The following GAP43 variants were observed in gnomAD, a reference collection of about 807,000 sequenced individuals.
GAP43 encodes the protein growth associated protein 43.
GAP43 carries 6 observed loss-of-function variants against 18.6 expected under a neutral mutation model. The observed-to-expected ratio is 0.32, with a 90% CI of 0.18 to 0.64. GAP43 has a LOEUF of 0.64. Among genes scored for constraint, GAP43 ranks in the 30% least tolerant of loss-of-function variants. The pLI is 0.78. For missense variants in GAP43, 292 were observed against 295.5 expected, an observed-to-expected ratio of 0.99 and a Z score of 0.09; for synonymous variants, 115 against 111.4, an observed-to-expected ratio of 1.03 and a Z score of -0.20.
chr3:115,708,026 C>T lies in GAP43; in HGVS notation c.629-12768C>T, dbSNP rs552910712. ...ACACACACACACACATATATATATA[C>T]ACACACACACATATATACCAAGTAT... On this transcript the variant is annotated intron_variant, in intron 2 of 2. Coordinates refer to ENST00000305124, the MANE Select transcript of GAP43 (RefSeq NM_002045.4). 5.8e-4 allele frequency among the ~76,000 whole-genome samples: 88 copies of T among 150,856 alleles called. 1 individual carries two copies. The highest frequency in any genetic ancestry group is 2.1e-3 in the African/African-American group (86 of 40,822).
chr3:115,692,672 T>C lies in GAP43; in HGVS notation c.628+16062T>C, dbSNP rs111884111. 8.7e-3 allele frequency among the ~76,000 whole-genome samples: 1,320 copies of C among 152,242 alleles called. 6 individuals carry two copies. Among genetic ancestry groups the C allele is most frequent in the Non-Finnish European group, 0.013 (906 of 68,014 alleles). On this transcript the variant is annotated intron_variant, in intron 2 of 2. Coordinates refer to ENST00000305124, the MANE Select transcript of GAP43 (RefSeq NM_002045.4). ...GCCAGTGAGGAGAAGGTAGGGTATGTTGGACCTTGAAGTGGTCGGAAGTTT... is the reference window on the plus strand; with the variant it reads ...GCCAGTGAGGAGAAGGTAGGGTATGCTGGACCTTGAAGTGGTCGGAAGTTT...
chr3:115,669,541 A>G (rs1005511967), intron 1 of GAP43, among the ~76,000 whole-genome samples: 2 of 152,216 alleles, frequency 1.3e-5, no homozygotes, highest in Admixed American at 1.3e-4. Flanking sequence ...TTTCTGTTTG[A>G]AGGCATCAGT....
chr3:115,676,700 G>C lies in GAP43; in HGVS notation c.628+90G>C, dbSNP rs28399391. On this transcript the variant is annotated intron_variant, in intron 2 of 2. Transcript: ENST00000305124. ...AGGCCACCTGGGTCATTGAGGGAGA[G>C]GAAAAAGTCTAGAAGATGTTTTCCA... The C allele has an allele frequency of 7.7e-4, 1,003 of 1,298,018 alleles. 10 individuals carry two copies. The African/African-American group carries it at 0.014, about 18-fold the overall frequency. 80.4% of individuals were successfully genotyped at this position (1,298,018 alleles called of 1,614,324 possible). A position where few individuals can be genotyped will look rare whatever the true frequency, so the allele number is the denominator to read the frequency against.
intron 1 of GAP43, among the ~76,000 whole-genome samples, chr3:115,629,349 A>C (rs903969376): frequency 2.0e-5 from 3 of 151,498 alleles, no homozygotes; most frequent in Admixed American, 2.0e-4. Flanking sequence ...CTTCAGCATC[A>C]ATGACACAAT....
At chr3:115,686,550 A>G (rs116221478) in intron 2 of GAP43, among the ~76,000 whole-genome samples, 1,666 of 152,256 alleles carry the variant, frequency 0.011, 33 homozygotes, top group African/African-American at 0.039. Flanking sequence ...ATAATTTATT[A>G]TATTTATGAG....
chr3:115,665,481 A>AT (rs927007153), intron 1 of GAP43, among the ~76,000 whole-genome samples: 15 of 151,962 alleles, frequency 9.9e-5, no homozygotes, highest in African/African-American at 2.4e-4. Context: ...GTGTTTCCTT[A>AT]TTTTTTTAAA....
intron 2 of GAP43, among the ~76,000 whole-genome samples, chr3:115,718,689 C>G (rs1415582062): frequency 2.0e-5 from 3 of 152,100 alleles, no homozygotes; most frequent in Admixed American, 2.0e-4. Context: ...CTTTAAAACC[C>G]TGGTCAAAAG....
chr3:115,656,812 A>G (rs1420351437), intron 1 of GAP43, among the ~76,000 whole-genome samples: 1 of 152,244 alleles, frequency 6.6e-6, no homozygotes, highest in Non-Finnish European at 1.5e-5. Flanking sequence ...ACCTGTCTGT[A>G]AAACTCAGAT....
At chr3:115,641,510 TCACACACA>T (rs376412583) in intron 1 of GAP43, among the ~76,000 whole-genome samples, 7 of 107,058 alleles carry the variant, frequency 6.5e-5, no homozygotes, top group East Asian at 4.7e-4. Flanking sequence ...ATATATATAT[TCACACACA>T]CACACACACA....
chr3:115,694,117 G>T (rs1045194462), intron 2 of GAP43, among the ~76,000 whole-genome samples: 2 of 152,092 alleles, frequency 1.3e-5, no homozygotes, highest in South Asian at 4.2e-4. Flanking sequence ...TGCAGGGGAG[G>T]GGGGAGCAGT....
chr3:115,715,654 A>G (rs1056044141), intron 2 of GAP43, among the ~76,000 whole-genome samples: 2 of 152,218 alleles, frequency 1.3e-5, no homozygotes, highest in Admixed American at 6.5e-5. Context: ...ACTCATCTCT[A>G]GCATTTACAA....
chr3:115,699,300 TG>T (rs897475454), intron 2 of GAP43, among the ~76,000 whole-genome samples: 1 of 152,202 alleles, frequency 6.6e-6, no homozygotes, highest in Admixed American at 6.5e-5. Context: ...AAGAGAATTT[TG>T]TTTTCACTTG....
In GAP43 at chr3:115,698,148, T is replaced by TTATATATAA. The variant is rs1709235546; in HGVS notation, c.628+21545_628+21553dup. Among the ~76,000 whole-genome samples the TTATATATAA allele has an allele frequency of 5.7e-3, 35 of 6,174 alleles. 1 individual carries two copies. Among genetic ancestry groups the TTATATATAA allele is most frequent in the Non-Finnish European group, 9.1e-3 (26 of 2,846 alleles). 4.1% of individuals were successfully genotyped at this position (6,174 alleles called of 152,430 possible). The stretch of plus-strand genomic sequence containing the variant: ...TTATATATAATATATATAATATATA[T>TTATATATAA]TATATATAATATATAAAATATATTA... On this transcript the variant is annotated intron_variant, in intron 2 of 2. Transcript: ENST00000305124.
chr3:115,651,903 C>G (rs1708522600), intron 1 of GAP43, among the ~76,000 whole-genome samples: 1 of 152,120 alleles, frequency 6.6e-6, no homozygotes, highest in Non-Finnish European at 1.5e-5. Flanking sequence ...TGTTACTCTC[C>G]TCCTCTAAGC....
At chr3:115,640,835 G>A (rs746293266) in intron 1 of GAP43, among the ~76,000 whole-genome samples, 1 of 151,888 alleles carries the variant, frequency 6.6e-6, no homozygotes, top group Non-Finnish European at 1.5e-5. Context: ...CTATGTATGA[G>A]CTTTTATTAC....
intron 1 of GAP43, among the ~76,000 whole-genome samples, chr3:115,650,025 C>T (rs1003920323): frequency 6.6e-6 from 1 of 152,112 alleles, no homozygotes; most frequent in Admixed American, 6.6e-5. Context: ...GACATAGTGT[C>T]ACCTGGAGAA....
At chr3:115,683,989 AT>A (rs1000993584) in intron 2 of GAP43, among the ~76,000 whole-genome samples, 5 of 152,234 alleles carry the variant, frequency 3.3e-5, no homozygotes, top group Admixed American at 6.5e-5. Flanking sequence ...CCTCACACTT[AT>A]TTGTAATCAC....
At chr3:115,658,657 G>C (rs1464933165) in intron 1 of GAP43, 1 of 152,228 alleles carries the variant, frequency 6.6e-6, no homozygotes, top group Non-Finnish European at 1.5e-5. Context: ...ACGGCGCTTG[G>C]GGTCCGCGGG....
At position 115,664,118 on chromosome 3, in the gene GAP43, C is replaced by T. The variant is rs558431830; in HGVS notation, c.31-11895C>T. On this transcript the variant is annotated intron_variant, in intron 1 of 2. Coordinates refer to ENST00000305124, the MANE Select transcript of GAP43 (RefSeq NM_002045.4). ...AATTAGTTAATATACAAACTATATG[C>T]AATAAATATGTTTGGGGTGTGTATA... Among the ~76,000 whole-genome samples, 5 of 151,848 alleles carry T rather than the reference C, an allele frequency of 3.3e-5. No individual in the cohort carries two copies. The South Asian group carries it at 6.3e-4, about 19-fold the overall frequency.
Sources: gnomAD v4.1 joint callset for allele counts (sites outside exome capture counted in the v4.1 genomes callset) on GRCh38, gnomAD v4.1.1 for gene constraint, MANE v1.5 for transcripts, NCBI Gene and HGNC (gene_info 2026-07-23, HGNC 2026-07-21) for gene names.